Variants in TSPAN18 observed in about 807,000 individuals in gnomAD.
The protein encoded by TSPAN18 is tetraspanin 18.
In TSPAN18, 14 loss-of-function variants were observed where a neutral mutation model predicts 27.3. That is an observed-to-expected ratio of 0.51 (90% confidence interval 0.34 to 0.80). The LOEUF (loss-of-function observed/expected upper bound fraction) is 0.80, where lower values mean the gene tolerates loss of function less well. Ranked by LOEUF, TSPAN18 falls within the 30% of genes least tolerant of loss-of-function variation. The pLI is 0.01. For synonymous variants in TSPAN18, 143 were observed against 136.5 expected, an observed-to-expected ratio of 1.05 and a Z score of -0.33; for missense variants, 268 against 323.9, an observed-to-expected ratio of 0.83 and a Z score of 1.32.
At chr11:44,862,427 G>A (rs1857921716) in intron 3 of TSPAN18, among the ~76,000 whole-genome samples, 1 of 152,192 alleles carries the variant, frequency 6.6e-6, no homozygotes, top group Admixed American at 6.5e-5. Flanking sequence ...TCTGTGTCTC[G>A]CCTGTGGGCT....
chr11:44,830,735 A>C (rs1857136331), intron 2 of TSPAN18, among the ~76,000 whole-genome samples: 1 of 152,228 alleles, frequency 6.6e-6, no homozygotes, highest in Non-Finnish European at 1.5e-5. Flanking sequence ...AGGCTCAGTC[A>C]TTTAAACTAT....
chr11:44,798,547 G>A (rs1366596289), intron 2 of TSPAN18, among the ~76,000 whole-genome samples: 1 of 152,194 alleles, frequency 6.6e-6, no homozygotes, highest in Admixed American at 6.5e-5. Flanking sequence ...CCAGACCATG[G>A]CTAAGCCACT....
Position 44,919,881 on chromosome 11 carries a change from C to G in TSPAN18, c.497C>G (p.Thr166Ser). 1 of 1,614,242 alleles carries G rather than the reference C, an allele frequency of 6.2e-7. No homozygotes were observed. Among genetic ancestry groups the G allele is most frequent in the South Asian group, 1.1e-5 (1 of 91,086 alleles). Residue 166 changes from threonine (T) to serine (S), a missense_variant, in exon 8 of 10, where the codon ACC becomes AGC. Physicochemically the swap from Thr to Ser is moderately conservative, Grantham distance 58. Transcript: ENST00000520358. ...FKFASVFRLL[T>S]LDSEEVPEAC... ...TTTGCATCTGTGTTTCGACTCCTGACCCTGGATAGTGAAGAGGTGCCGGAG... is the reference window on the plus strand; with the variant it reads ...TTTGCATCTGTGTTTCGACTCCTGAGCCTGGATAGTGAAGAGGTGCCGGAG...
chr11:44,914,815 C>A (rs1859846621), intron 5 of TSPAN18, among the ~76,000 whole-genome samples: 1 of 152,188 alleles, frequency 6.6e-6, no homozygotes, highest in Non-Finnish European at 1.5e-5. Flanking sequence ...TCCGCAGTGT[C>A]TGGGTAGCAA....
chr11:44,931,317 A>C lies in TSPAN18; in HGVS notation c.*2139A>C, dbSNP rs1860553226. 2 of 193,498 alleles carry C rather than the reference A, an allele frequency of 1.0e-5. No individual in the cohort carries two copies. Among genetic ancestry groups the C allele is most frequent in the African/African-American group, 4.7e-5 (2 of 42,446 alleles). The allele number at this position is 193,498 out of a possible 1,614,324, so 12.0% of individuals were successfully genotyped here. On this transcript the variant is annotated 3_prime_UTR_variant, in exon 10 of 10. Coordinates refer to ENST00000520358, the MANE Select transcript of TSPAN18 (RefSeq NM_130783.5). ...GAAGAGGCAAATGGCTGGTCTGAGG[A>C]TGACACACAAAAACAAAAACAAAAA...
chr11:44,884,866 A>C (rs148268793), intron 3 of TSPAN18, among the ~76,000 whole-genome samples: 1 of 152,274 alleles, frequency 6.6e-6, no homozygotes, highest in South Asian at 2.1e-4. Flanking sequence ...GTCCCCACAC[A>C]ACAGAGGGAA....
At chr11:44,773,956 G>T (rs1273486803) in intron 2 of TSPAN18, among the ~76,000 whole-genome samples, 1 of 152,182 alleles carries the variant, frequency 6.6e-6, no homozygotes, top group African/African-American at 2.4e-5. Context: ...CTGCGAGGCT[G>T]CCTCCCTCCC....
At chr11:44,731,633 T>TGTGTGTGTGTGTGTGTGAGAGA (rs139154582) in intron 1 of TSPAN18, among the ~76,000 whole-genome samples, 2 of 107,436 alleles carry the variant, frequency 1.9e-5, no homozygotes, top group South Asian at 3.7e-4. Context: ...TGTGTGTGTG[T>TGTGTGTGTGTGTGTGTGAGAGA]GAGAGAGAGA....
intron 2 of TSPAN18, among the ~76,000 whole-genome samples, chr11:44,842,009 A>G (rs966379858): frequency 8.5e-5 from 13 of 152,234 alleles, no homozygotes; most frequent in Non-Finnish European, 4.4e-5. Flanking sequence ...CCACCTTTTC[A>G]TTGTGCAGCG....
At chr11:44,869,499 G>A (rs1858133202) in intron 3 of TSPAN18, among the ~76,000 whole-genome samples, 1 of 152,194 alleles carries the variant, frequency 6.6e-6, no homozygotes, top group Non-Finnish European at 1.5e-5. Flanking sequence ...GTGCATAGAA[G>A]CTGGGCCCAG....
chr11:44,903,903 G>A (rs1449047548), intron 3 of TSPAN18: 9 of 456,590 alleles, frequency 2.0e-5, no homozygotes, highest in South Asian at 6.2e-5. Flanking sequence ...GGAAAATAAG[G>A]ATAATAAGAG....
At chr11:44,728,700 G>C (rs1284490196) in intron 1 of TSPAN18, among the ~76,000 whole-genome samples, 1 of 152,204 alleles carries the variant, frequency 6.6e-6, no homozygotes, top group Non-Finnish European at 1.5e-5. Context: ...CTGGGTCCCA[G>C]TTGTCTGGCC....
intron 2 of TSPAN18, among the ~76,000 whole-genome samples, chr11:44,783,759 C>CAA (rs1361522262): frequency 6.6e-6 from 1 of 152,210 alleles, no homozygotes; most frequent in Non-Finnish European, 1.5e-5. Context: ...TGTGGTCCTA[C>CAA]AAATCCCGCC....
intron 5 of TSPAN18, among the ~76,000 whole-genome samples, chr11:44,914,464 A>G (rs1033511501): frequency 4.6e-5 from 7 of 152,158 alleles, no homozygotes; most frequent in African/African-American, 1.7e-4. Flanking sequence ...TCCAGTGGGA[A>G]ATGCATGTTT....
intron 2 of TSPAN18, among the ~76,000 whole-genome samples, chr11:44,774,155 G>T (rs1470643071): frequency 2.0e-5 from 3 of 152,230 alleles, no homozygotes; most frequent in African/African-American, 7.2e-5. Context: ...AGTAGGAAAG[G>T]TCCCTTTGGA....
chr11:44,868,427 G>A (rs935294566), intron 3 of TSPAN18, among the ~76,000 whole-genome samples: 4 of 152,150 alleles, frequency 2.6e-5, no homozygotes, highest in Admixed American at 1.3e-4. Flanking sequence ...GTCGGGGCCC[G>A]AGGTGGGAGC....
chr11:44,894,823 T>C (rs7103479), intron 3 of TSPAN18, among the ~76,000 whole-genome samples: 44,297 of 152,166 alleles, frequency 0.29, 8,410 homozygotes, highest in Non-Finnish European at 0.41. Flanking sequence ...AGAGCAGCAC[T>C]GGGCTGGAGA....
At chr11:44,793,015 GAGGGAGCTGGGAAAATGGGAAGGGA>G (rs1173157144) in intron 2 of TSPAN18, among the ~76,000 whole-genome samples, 1 of 152,186 alleles carries the variant, frequency 6.6e-6, no homozygotes, top group Non-Finnish European at 1.5e-5. Flanking sequence ...GGGGGAAGGG[GAGGGAGCTGGGAAAATGGGAAGGGA>G]AGGGAGACAG....
At chr11:44,839,393 T>G (rs1857324365) in intron 2 of TSPAN18, among the ~76,000 whole-genome samples, 2 of 152,214 alleles carry the variant, frequency 1.3e-5, no homozygotes, top group Non-Finnish European at 2.9e-5. Context: ...TGTGTCTGTC[T>G]GTTTTTCCCT....
Sources: allele counts gnomAD v4.1 joint callset (sites outside exome capture counted in the v4.1 genomes callset), GRCh38; gene constraint gnomAD v4.1.1; transcripts MANE v1.5; gene names NCBI Gene and HGNC (gene_info 2026-07-23, HGNC 2026-07-21).